NOTCH3: variants seen among roughly 807,000 people sequenced by gnomAD.
NOTCH3 encodes neurogenic locus notch homolog protein 3.
NOTCH3 carries 86 observed loss-of-function variants against 213.3 expected under a neutral mutation model. The observed-to-expected ratio is 0.40, with a 90% CI of 0.34 to 0.48. The LOEUF (loss-of-function observed/expected upper bound fraction) is 0.48. Among genes scored for constraint, NOTCH3 ranks in the 20% least tolerant of loss-of-function variants. NOTCH3 has a pLI of 0.57. For synonymous variants in NOTCH3, 1,354 were observed against 1,355.9 expected (o/e 1.00, Z 0.03); for missense variants, 2,783 against 3,272.6 (o/e 0.85, Z 3.65).
intron 29 of NOTCH3, 71 bp from the exon 30 acceptor site, chr19:15,166,162 C>T: frequency 7.3e-7 from 1 of 1,369,674 alleles, no homozygotes; most frequent in Non-Finnish European, 1.0e-6. Context: ...ATCAAGGGTA[C>T]CCCATTAGGA....
chr19:15,175,583 A>ATG (rs2046782247), intron 24 of NOTCH3, among the ~76,000 whole-genome samples: 1 of 34,140 alleles, frequency 2.9e-5, no homozygotes, highest in South Asian at 8.4e-4. Flanking sequence ...ATGTATATAT[A>ATG]TGTATATACA....
At chr19:15,162,132 C>T (rs6512017) in intron 32 of NOTCH3, among the ~76,000 whole-genome samples, 130,650 of 151,478 alleles carry the variant, frequency 0.86, 56,517 homozygotes, top group Non-Finnish European at 0.9. Context: ...CAGGTGTGCA[C>T]CACTACGCCC....
intron 20 of NOTCH3, chr19:15,179,748 G>A (rs954828376): frequency 5.1e-6 from 3 of 591,666 alleles, no homozygotes; most frequent in Non-Finnish European, 9.1e-6. Flanking sequence ...TGGGCGTGGT[G>A]GTGGGTGCCT....
At chr19:15,170,930 T>C in intron 25 of NOTCH3, 105 bp from the exon 26 acceptor site, 1 of 1,301,894 alleles carries the variant, frequency 7.7e-7, no homozygotes, top group Non-Finnish European at 1.1e-6. Flanking sequence ...TGAAGCGCCA[T>C]CTCCACCCAC....
Position 15,174,413 on chromosome 19 carries a change from G to T in NOTCH3, c.4404-13C>A, listed in dbSNP as rs1383516937. The T allele has an allele frequency of 1.3e-6, 2 of 1,508,696 alleles. No homozygotes were observed. The highest frequency in any genetic ancestry group is 5.0e-5 in the East Asian group (2 of 40,356). The allele number at this position is 1,508,696 out of a possible 1,614,324, so 93.5% of individuals were successfully genotyped here. ...CTCGTACACCGGGCTGGTGGGGAAG[G>T]GTGAGGCAGAGAGGGGCGGAGTCAG... On this transcript the variant is annotated splice_polypyrimidine_tract_variant and intron_variant, in intron 24 of 32. Coordinates refer to ENST00000263388, the MANE Select transcript of NOTCH3 (RefSeq NM_000435.3).
At position 15,160,549 on chromosome 19, in the gene NOTCH3, T is replaced by G; in HGVS notation, c.*113A>C. The G allele has an allele frequency of 1.1e-6, 1 of 902,626 alleles. No individual in the cohort carries two copies. 55.9% of individuals were successfully genotyped at this position (902,626 alleles called of 1,614,324 possible). On this transcript the variant is annotated 3_prime_UTR_variant, in exon 33 of 33. Transcript: ENST00000263388. ...CTGCAAGGCAAGGATGCAGGAGGGT[T>G]GGTGGAAAGAGAAGAGGATGAAAAA...
rs1233561037 is a variant in NOTCH3 at position 15,187,883 on chromosome 19, T to A, written c.1604A>T (p.Glu535Val). ...QPDGYECRCAEGFEGTLCDRN... is the reference protein window; with the variant it reads ...QPDGYECRCAVGFEGTLCDRN... ...GGACTGTCATTGGCCCGCCTCACCC[T>A]CGGCACAGCGGCACTCGTAGCCATC... Residue 535 changes from glutamate (E) to valine (V), a missense_variant and splice_region_variant, in exon 10 of 33, where the codon GAG becomes GTG. By Grantham distance (121) the Glu-to-Val change is moderately radical. Around this residue, in one of 6 missense-constraint regions of NOTCH3, gnomAD observed 708 missense variants for 906.6 expected, o/e 0.78. Coordinates refer to ENST00000263388, the MANE Select transcript of NOTCH3 (RefSeq NM_000435.3). The A allele has an allele frequency of 3.2e-6, 5 of 1,548,396 alleles. No individual in the cohort carries two copies. The highest frequency in any genetic ancestry group is 1.2e-5 in the South Asian group (1 of 83,958).
At chr19:15,184,793 C>T (rs2046867492) in intron 15 of NOTCH3, 113 bp downstream of exon 15, 1 of 677,994 alleles carries the variant, frequency 1.5e-6, no homozygotes, top group Non-Finnish European at 2.6e-6. Context: ...AAGGAAGCCC[C>T]TCTCAAAGGC....
At position 15,170,896 on chromosome 19, in the gene NOTCH3, C is replaced by A. The variant is rs1159965156; in HGVS notation, c.4737-71G>T. 13 of 1,546,494 alleles carry A rather than the reference C, an allele frequency of 8.4e-6. No homozygotes were observed. The East Asian group carries it at 1.2e-4, about 14-fold the overall frequency. ...ATGCACCCCCTGGTACCAAGCCCCA[C>A]TTTCCCTCCCCAGCGCCTGGCTCTG... On this transcript the variant is annotated intron_variant, in intron 25 of 32. Transcript: ENST00000263388.
rs1452008203 is a variant in NOTCH3, at chr19:15,178,085, G to A, written c.3843C>T (p.Phe1281=). The stretch of plus-strand genomic sequence containing the variant: ...CCACCCGCTCGCAACGCGGACCCCA[G>A]AACGGCTGGGGGTCGGGTTTGGGGA... ...LTFTCHCAQP[F]WGPRCERVAR... Residue 1281 remains phenylalanine (F), a synonymous_variant, in exon 24 of 33, where the codon TTC becomes TTT. Transcript: ENST00000263388. 2 of 1,513,978 alleles carry A rather than the reference G, an allele frequency of 1.3e-6. No individual in the cohort carries two copies. The highest frequency in any genetic ancestry group is 2.8e-5 in the African/African-American group (2 of 71,200). The allele number at this position is 1,513,978 out of a possible 1,614,324, so 93.8% of individuals were successfully genotyped here.
intron 1 of NOTCH3, among the ~76,000 whole-genome samples, chr19:15,198,126 G>A (rs1215684570): frequency 6.6e-6 from 1 of 152,206 alleles, no homozygotes; most frequent in East Asian, 1.9e-4. Context: ...GCCAGCGCTG[G>A]GCGTTGCTGG....
chr19:15,185,711 A>C lies in NOTCH3; in HGVS notation c.1952-32T>G, dbSNP rs137877808. 6.8e-4 allele frequency: 1,099 copies of C among 1,610,038 alleles called. 10 individuals carry two copies. The Admixed American group carries it at 0.013, about 19-fold the overall frequency. ...AGTACACAAGCAATCTCATCTCAGA[A>C]CAAAGTCAGCAGGGACAACCAGGGA... is the stretch of plus-strand genomic sequence containing the variant. On this transcript the variant is annotated intron_variant, in intron 12 of 32. Transcript: ENST00000263388. The surrounding 1 kb of genome is among the most constrained non-coding windows in gnomAD (Gnocchi z 4.2).
At position 15,179,250 on chromosome 19, in the gene NOTCH3, C is replaced by A; in HGVS notation, c.3493G>T (p.Gly1165Cys). The change falls in exon 22 of 33, where the codon GGC becomes TGC. Residue 1165 changes from glycine (G) to cysteine (C), a missense_variant. By Grantham distance (159) the Gly-to-Cys change is radical (BLOSUM62 -3). Around this residue, in one of 6 missense-constraint regions of NOTCH3, gnomAD observed 861 missense variants for 909.1 expected, o/e 0.95. Transcript: ENST00000263388. ...VLCEINEDDCGPGPPLDSGPR... is the reference protein window; with the variant it reads ...VLCEINEDDCCPGPPLDSGPR... ...CCTGAGTCCAGCGGTGGGCCTGGGCCGCAGTCATCCTCATTAATCTCGCAG... is the reference window on the plus strand; with the variant it reads ...CCTGAGTCCAGCGGTGGGCCTGGGCAGCAGTCATCCTCATTAATCTCGCAG... 3 of 1,613,916 alleles carry A rather than the reference C, an allele frequency of 1.9e-6. No individual in the cohort carries two copies. The highest frequency in any genetic ancestry group is 1.7e-6 in the Non-Finnish European group (2 of 1,180,012).
In NOTCH3 at chr19:15,181,671, G is replaced by T. The variant is rs1241950700; in HGVS notation, c.2697C>A (p.Gly899=). Residue 899 remains glycine, a synonymous_variant, in exon 17 of 33, where the codon GGC becomes GGA. Coordinates refer to ENST00000263388, the MANE Select transcript of NOTCH3 (RefSeq NM_000435.3). ...DECLSNPCGP[G]TCTDHVASFT... is the part of the protein sequence containing the mutation. ...AGGAGGCCACGTGGTCGGTACAGGTGCCCGGGCCGCAGGGGTTGCTCAGGC... is the reference window on the plus strand; with the variant it reads ...AGGAGGCCACGTGGTCGGTACAGGTTCCCGGGCCGCAGGGGTTGCTCAGGC... The T allele has an allele frequency of 1.3e-6, 2 of 1,554,642 alleles. No individual in the cohort carries two copies. Among genetic ancestry groups the T allele is most frequent in the East Asian group, 2.4e-5 (1 of 41,262 alleles).
At chr19:15,180,906 C>T in intron 18 of NOTCH3, 55 bp downstream of exon 18, 3 of 1,589,466 alleles carry the variant, frequency 1.9e-6, no homozygotes, top group South Asian at 1.1e-5. Context: ...CTTGGCTTCT[C>T]CCTCCTAGGA....
chr19:15,178,954 G>A lies in NOTCH3; in HGVS notation c.3719-13C>T. The A allele has an allele frequency of 6.2e-7, 1 of 1,614,048 alleles. No homozygotes were observed. Among genetic ancestry groups the A allele is most frequent in the South Asian group, 1.1e-5 (1 of 91,086 alleles). On this transcript the variant is annotated splice_polypyrimidine_tract_variant and intron_variant, in intron 22 of 32. Transcript: ENST00000263388. ...TGACAGCGAGGACCTGAGCGAGCGG[G>A]AGCATGTAGATCAGCCACAATGGGG...
At position 15,165,506 on chromosome 19, in the gene NOTCH3, G is replaced by A. The variant is rs535683988; in HGVS notation, c.5677C>T (p.Arg1893Ter). The change falls in exon 31 of 33, where the codon CGA becomes TGA. Residue 1893 changes from arginine (R) to a stop codon, truncating the protein, a stop_gained. Coordinates refer to ENST00000263388, the MANE Select transcript of NOTCH3 (RefSeq NM_000435.3). LOFTEE classifies it high-confidence loss of function. The surrounding 1 kb of genome is among the most constrained non-coding windows in gnomAD (Gnocchi z 4.7). ...DAQGVFQILI[R>*]NRSTDLDARM... The stretch of plus-strand genomic sequence containing the variant: ...GCATCCAAGTCTGTAGAGCGGTTTC[G>A]GATGAGAATCTAGGACAGAGAGTGG... 2.5e-6 allele frequency: 4 copies of A among 1,612,070 alleles called. No individual in the cohort carries two copies. Among genetic ancestry groups the A allele is most frequent in the South Asian group, 1.1e-5 (1 of 91,060 alleles).
Position 15,187,326 on chromosome 19 carries a change from G to A in NOTCH3, c.1619C>T (p.Thr540Met), listed in dbSNP as rs200317373. The A allele has an allele frequency of 6.2e-5, 100 of 1,613,452 alleles. No individual in the cohort carries two copies. In the African/African-American group the frequency reaches 6.9e-4, roughly 11 times the overall value. Residue 540 changes from threonine (T) to methionine (M), a missense_variant, in exon 11 of 33, where the codon ACG becomes ATG. Physicochemically the swap from Thr to Met is moderately conservative, Grantham distance 81. Coordinates refer to ENST00000263388, the MANE Select transcript of NOTCH3 (RefSeq NM_000435.3). ...GTCGTCCACGTTGCGATCACACAGCGTGCCCTCAAAGCCTGTGGGGCCAAG... is the reference window on the plus strand; with the variant it reads ...GTCGTCCACGTTGCGATCACACAGCATGCCCTCAAAGCCTGTGGGGCCAAG... ...ECRCAEGFEG[T>M]LCDRNVDDCS...
chr19:15,176,965 G>A (rs549803691), intron 24 of NOTCH3, among the ~76,000 whole-genome samples: 6 of 150,996 alleles, frequency 4.0e-5, no homozygotes, highest in African/African-American at 1.5e-4. Context: ...CCAGCTACTC[G>A]GAAGGCTGAG....
Sources: allele counts gnomAD v4.1 joint callset (sites outside exome capture counted in the v4.1 genomes callset), GRCh38; gene constraint gnomAD v4.1.1; regional missense constraint gnomAD v4.1.1; non-coding constraint Gnocchi (gnomAD v3.1); transcripts MANE v1.5; gene names NCBI Gene and HGNC (gene_info 2026-07-23, HGNC 2026-07-21).